The following RNF6 variants were observed in gnomAD, a reference collection of about 807,000 sequenced individuals.
RNF6 encodes ring finger protein 6, also known as E3 ubiquitin-protein ligase RNF6.
RNF6 carries 21 observed loss-of-function variants against 50.1 expected under a neutral mutation model. The ratio of observed to expected loss-of-function variants is 0.42; its 90% CI spans 0.30 to 0.60. The LOEUF (loss-of-function observed/expected upper bound fraction) is 0.60, where lower values mean the gene tolerates loss of function less well. Among genes scored for constraint, RNF6 ranks in the 20% least tolerant of loss-of-function variants. The pLI is 0.20. For missense variants in RNF6, 698 were observed against 838.2 expected, an observed-to-expected ratio of 0.83 and a Z score of 2.07; for synonymous variants, 255 against 291.8, an observed-to-expected ratio of 0.87 and a Z score of 1.29.
intron 5 of RNF6, among the ~76,000 whole-genome samples, chr13:26,185,486 C>T (rs1344630698): frequency 6.6e-6 from 1 of 152,076 alleles, no homozygotes; most frequent in East Asian, 1.9e-4. Context: ...GTGGCTCACG[C>T]CTGTAATCCC....
chr13:26,139,351 A>G (rs1351828190), intron 5 of RNF6, among the ~76,000 whole-genome samples: 2 of 152,140 alleles, frequency 1.3e-5, no homozygotes, highest in Admixed American at 6.5e-5. Context: ...GGAAACCCCA[A>G]TAAATGCTCT....
At position 26,214,839 on chromosome 13, in the gene RNF6, C is replaced by A. The variant is rs566872576; in HGVS notation, c.1043G>T (p.Arg348Leu). The A allele has an allele frequency of 6.2e-7, 1 of 1,614,182 alleles. No individual in the cohort carries two copies. The highest frequency in any genetic ancestry group is 2.2e-5 in the East Asian group (1 of 44,886). The change falls in exon 5 of 5, where the codon CGA (arginine) becomes CTA (leucine). Residue 348 changes from arginine (R) to leucine (L), a missense_variant. By Grantham distance (102) the Arg-to-Leu change is moderately radical (BLOSUM62 -2). Coordinates refer to ENST00000381588, the MANE Select transcript of RNF6 (RefSeq NM_005977.4). ...RRSVRRRGRT[R>L]VFLEQDRERE... is the part of the protein sequence containing the mutation. ...TTCTCTATCTTGCTCTAAAAAGACTCGAGTTCTACCTCTCCTCCTAACAGA... is the reference window on the plus strand; with the variant it reads ...TTCTCTATCTTGCTCTAAAAAGACTAGAGTTCTACCTCTCCTCCTAACAGA...
intron 5 of RNF6, among the ~76,000 whole-genome samples, chr13:26,185,872 G>A (rs1873494871): frequency 6.6e-6 from 1 of 152,092 alleles, no homozygotes. Flanking sequence ...TCACACTTCT[G>A]GAAAGTTCCT....
chr13:26,203,408 T>C (rs1264226170), intron 5 of RNF6, among the ~76,000 whole-genome samples: 1 of 152,198 alleles, frequency 6.6e-6, no homozygotes. Flanking sequence ...AGAACCAAAT[T>C]GTGATTGTTT....
chr13:26,169,247 G>A (rs1221226011), intron 5 of RNF6, among the ~76,000 whole-genome samples: 1 of 152,132 alleles, frequency 6.6e-6, no homozygotes. Context: ...CAGGCTCAGG[G>A]AGCCGTGGAG....
downstream of RNF6, among the ~76,000 whole-genome samples, chr13:26,209,117 TCCCTAG>T (rs1869218222): frequency 6.6e-6 from 1 of 152,136 alleles, no homozygotes; most frequent in African/African-American, 2.4e-5. Flanking sequence ...TGTCAAAAAG[TCCCTAG>T]CCTGCTGTAT....
chr13:26,179,787 C>T (rs905735916), intron 5 of RNF6, among the ~76,000 whole-genome samples: 7 of 152,186 alleles, frequency 4.6e-5, no homozygotes, highest in Non-Finnish European at 7.3e-5. Context: ...AGATGTAGCA[C>T]GTTGACTGAC....
At chr13:26,133,479 C>A (rs1870495163) in intron 5 of RNF6, among the ~76,000 whole-genome samples, 1 of 152,170 alleles carries the variant, frequency 6.6e-6, no homozygotes. Flanking sequence ...TGGTTATGTT[C>A]CCAAAGGTCC....
upstream of RNF6, chr13:26,222,425 C>G (rs117801823): frequency 0.015 from 2,359 of 152,404 alleles, 29 homozygotes; most frequent in Non-Finnish European, 0.021. Flanking sequence ...GCTCAGCGCT[C>G]GTGGCAGCCG....
chr13:26,214,798 T>C lies in RNF6; in HGVS notation c.1084A>G (p.Thr362Ala), dbSNP rs756975739. 7 of 1,614,204 alleles carry C rather than the reference T, an allele frequency of 4.3e-6. No individual in the cohort carries two copies. Among genetic ancestry groups the C allele is most frequent in the Admixed American group, 1.7e-5 (1 of 60,032 alleles). Residue 362 changes from threonine (T) to alanine (A), a missense_variant, in exon 5 of 5, where the codon ACT (threonine) becomes GCT (alanine). Coordinates refer to ENST00000381588, the MANE Select transcript of RNF6 (RefSeq NM_005977.4). Reference sequence around the variant, plus strand: ...GAATTAGAGAATGGGGTATATGCAGTACCTCTGCGTTCTCGTTCTCTATCT... The same window carrying C: ...GAATTAGAGAATGGGGTATATGCAGCACCTCTGCGTTCTCGTTCTCTATCT... Reference protein sequence around the residue: ...EQDRERERRGTAYTPFSNSRL... With the variant: ...EQDRERERRGAAYTPFSNSRL...
intron 4 of RNF6, 54 bp from the exon 5 acceptor site, chr13:26,215,646 CT>C: frequency 7.0e-7 from 1 of 1,424,226 alleles, no homozygotes; most frequent in Non-Finnish European, 9.4e-7. Flanking sequence ...CACCTTACAG[CT>C]TTATTGAAAA....
At chr13:26,135,286 G>C (rs1315441569) in intron 5 of RNF6, among the ~76,000 whole-genome samples, 2 of 151,912 alleles carry the variant, frequency 1.3e-5, no homozygotes, top group East Asian at 1.9e-4. Flanking sequence ...TATGTTTAAG[G>C]GTTCATTATC....
chr13:26,173,839 T>C (rs1278543205), intron 5 of RNF6, among the ~76,000 whole-genome samples: 1 of 151,312 alleles, frequency 6.6e-6, no homozygotes, highest in Non-Finnish European at 1.5e-5. Context: ...TAATCCTAGC[T>C]ACTCGGGAGG....
chr13:26,159,414 G>A (rs969681260), intron 5 of RNF6, among the ~76,000 whole-genome samples: 5 of 152,042 alleles, frequency 3.3e-5, no homozygotes, highest in Non-Finnish European at 7.4e-5. Flanking sequence ...CACAAGGTCA[G>A]CAGATCGAGA....
intron 5 of RNF6, among the ~76,000 whole-genome samples, chr13:26,146,923 G>C (rs1330562011): frequency 2.6e-5 from 4 of 152,148 alleles, no homozygotes; most frequent in African/African-American, 9.7e-5. Flanking sequence ...GCTCTCATGA[G>C]ATCTGGTTGT....
chr13:26,172,755 G>A (rs751631538), intron 5 of RNF6, among the ~76,000 whole-genome samples: 15 of 152,150 alleles, frequency 9.9e-5, no homozygotes, highest in Non-Finnish European at 2.1e-4. Flanking sequence ...ATGTTAGCCA[G>A]GATGGTCTCG....
intron 5 of RNF6, among the ~76,000 whole-genome samples, chr13:26,187,909 C>T (rs542019307): frequency 6.6e-6 from 1 of 152,290 alleles, no homozygotes; most frequent in South Asian, 2.1e-4. Flanking sequence ...TTTGAGACCA[C>T]AGTGGCCTGA....
intron 5 of RNF6, among the ~76,000 whole-genome samples, chr13:26,185,320 T>C (rs1054212570): frequency 6.6e-6 from 1 of 152,214 alleles, no homozygotes; most frequent in African/African-American, 2.4e-5. Context: ...ATTTTTATTT[T>C]AGCTTTTTAA....
intron 5 of RNF6, among the ~76,000 whole-genome samples, chr13:26,189,344 A>G (rs557996266): frequency 7.2e-5 from 11 of 151,730 alleles, no homozygotes; most frequent in African/African-American, 1.4e-4. Context: ...AACGCTTCCT[A>G]TTGTAATAGA....
Sources: gnomAD v4.1 joint callset for allele counts (sites outside exome capture counted in the v4.1 genomes callset) on GRCh38, gnomAD v4.1.1 for gene constraint, MANE v1.5 for transcripts, NCBI Gene and HGNC (gene_info 2026-07-23, HGNC 2026-07-21) for gene names.